Variants in RGS7 observed in about 807,000 individuals in gnomAD.
RGS7 encodes the protein regulator of G protein signaling 7.
Under a neutral mutation model 81.1 loss-of-function variants are expected in RGS7, and 27 were observed. The observed-to-expected ratio is 0.33, with a 90% CI of 0.25 to 0.46. The LOEUF is 0.46. Among genes scored for constraint, RGS7 ranks in the 20% least tolerant of loss-of-function variants. The pLI, the probability that RGS7 is intolerant of heterozygous loss-of-function variation, is 1.00. For synonymous variants in RGS7, 208 were observed against 207.7 expected (o/e 1.00, Z -0.01); for missense variants, 396 against 607.4 (o/e 0.65, Z 3.66).
chr1:241,248,637 C>A (rs1301384445), intron 2 of RGS7, among the ~76,000 whole-genome samples: 1 of 151,966 alleles, frequency 6.6e-6, no homozygotes, highest in Non-Finnish European at 1.5e-5. Flanking sequence ...ATCTCCTCCA[C>A]TGCATTTTAA....
At chr1:240,993,619 T>C (rs552001782) in intron 3 of RGS7, among the ~76,000 whole-genome samples, 3 of 152,280 alleles carry the variant, frequency 2.0e-5, no homozygotes, top group Non-Finnish European at 4.4e-5. Flanking sequence ...CTCTTGGATA[T>C]GTGGTTTACA....
At chr1:241,194,981 A>G (rs2072958693) in intron 2 of RGS7, among the ~76,000 whole-genome samples, 1 of 152,200 alleles carries the variant, frequency 6.6e-6, no homozygotes, top group Non-Finnish European at 1.5e-5. Flanking sequence ...CAGAAAATAG[A>G]ACAAGCCTTA....
At chr1:240,794,542 C>A (rs1686660850) in intron 18 of RGS7, among the ~76,000 whole-genome samples, 1 of 152,126 alleles carries the variant, frequency 6.6e-6, no homozygotes, top group Non-Finnish European at 1.5e-5. Flanking sequence ...GTCCTAGGAC[C>A]CTTTCCAAAA....
rs1169581573 is a variant in RGS7, at chr1:240,956,169, C to T, written c.227-19463G>A. ...TTGTCTTCATTTCACTTGATGCACA[C>T]ACTCTCTACCTTTGGCTCCCTGATG... On this transcript the variant is annotated intron_variant, in intron 4 of 18. Transcript: ENST00000440928. Among the ~76,000 whole-genome samples the T allele has an allele frequency of 5.3e-5, 8 of 152,282 alleles. No individual in the cohort carries two copies. In the East Asian group the frequency reaches 9.6e-4, roughly 18 times the overall value.
chr1:241,069,317 T>C (rs1018155082), intron 3 of RGS7, among the ~76,000 whole-genome samples: 2 of 152,196 alleles, frequency 1.3e-5, no homozygotes, highest in African/African-American at 4.8e-5. Flanking sequence ...TCTCCAGAGA[T>C]ACAATGCTGA....
chr1:241,162,727 G>A (rs2069832754), intron 2 of RGS7, among the ~76,000 whole-genome samples: 1 of 152,116 alleles, frequency 6.6e-6, no homozygotes. Flanking sequence ...ACCCATACAG[G>A]TTCTCCACTG....
At chr1:240,999,861 T>C (rs988429585) in intron 3 of RGS7, among the ~76,000 whole-genome samples, 3 of 152,100 alleles carry the variant, frequency 2.0e-5, no homozygotes, top group Non-Finnish European at 4.4e-5. Flanking sequence ...CCTCGGCCTA[T>C]CAAAGTGCTG....
chr1:241,229,136 T>C (rs1250060064), intron 2 of RGS7, among the ~76,000 whole-genome samples: 4 of 151,904 alleles, frequency 2.6e-5, no homozygotes, highest in Non-Finnish European at 4.4e-5. Context: ...ATGCAATGCC[T>C]GGTACTTTAA....
At chr1:241,235,634 TTTC>T (rs1263717520) in intron 2 of RGS7, among the ~76,000 whole-genome samples, 7 of 82,562 alleles carry the variant, frequency 8.5e-5, no homozygotes, top group Middle Eastern at 5.8e-3. Flanking sequence ...TTCTCTCTTT[TTTC>T]TTTTTTCTCA....
rs138485708 is a variant in RGS7, at chr1:240,960,751, A to G, written c.226+22328T>C. Among the ~76,000 whole-genome samples the G allele has an allele frequency of 1.6e-4, 25 of 152,246 alleles. 1 individual carries two copies. The Middle Eastern group carries it at 0.014, about 83-fold the overall frequency. On this transcript the variant is annotated intron_variant, in intron 4 of 18. Transcript: ENST00000440928. The stretch of plus-strand genomic sequence containing the variant: ...ATGTTGCATTTCCTCACAGCTGAAA[A>G]TACTTTTAAAAGAAAGTAACTATAA...
chr1:241,007,362 G>T (rs2058730049), intron 3 of RGS7, among the ~76,000 whole-genome samples: 1 of 152,074 alleles, frequency 6.6e-6, no homozygotes, highest in Non-Finnish European at 1.5e-5. Flanking sequence ...TAATAATAGG[G>T]CATAATATAT....
At chr1:241,158,090 A>G (rs181937224) in intron 2 of RGS7, among the ~76,000 whole-genome samples, 121 of 152,172 alleles carry the variant, frequency 8.0e-4, no homozygotes, top group African/African-American at 2.8e-3. Context: ...AAGTGCTGGA[A>G]TTACAGGTGT....
intron 10 of RGS7, chr1:240,823,083 T>C: frequency 6.0e-6 from 5 of 832,192 alleles, no homozygotes; most frequent in Admixed American, 5.5e-5. Flanking sequence ...CTGGAATTGC[T>C]GAAATAAGTG....
chr1:241,238,849 A>G (rs138242614), intron 2 of RGS7, among the ~76,000 whole-genome samples: 116 of 152,288 alleles, frequency 7.6e-4, no homozygotes, highest in African/African-American at 2.6e-3. Context: ...GAAAGATAAT[A>G]TGGTAATATG....
intron 9 of RGS7, among the ~76,000 whole-genome samples, chr1:240,835,161 A>C (rs1694513241): frequency 6.6e-6 from 1 of 152,182 alleles, no homozygotes; most frequent in South Asian, 2.1e-4. Flanking sequence ...CTGTCAAGAG[A>C]ATGAGAAGAC....
chr1:241,108,833 T>C (rs1453532610), intron 2 of RGS7, among the ~76,000 whole-genome samples: 4 of 152,220 alleles, frequency 2.6e-5, no homozygotes, highest in African/African-American at 9.6e-5. Context: ...TAATGAATTC[T>C]GTCAGAATCC....
At chr1:240,824,655 A>G (rs1692473019) in intron 10 of RGS7, among the ~76,000 whole-genome samples, 1 of 152,222 alleles carries the variant, frequency 6.6e-6, no homozygotes, top group Non-Finnish European at 1.5e-5. Context: ...ACAAGCACGA[A>G]TCACGTACAC....
intron 3 of RGS7, among the ~76,000 whole-genome samples, chr1:241,087,715 G>C (rs1056418372): frequency 1.3e-5 from 2 of 152,224 alleles, no homozygotes; most frequent in East Asian, 3.9e-4. Context: ...TTGGGAGGCC[G>C]AGGTGGGCAG....
intron 2 of RGS7, among the ~76,000 whole-genome samples, chr1:241,286,080 T>G (rs998526855): frequency 1.3e-5 from 2 of 152,230 alleles, no homozygotes; most frequent in African/African-American, 4.8e-5. Context: ...TGCTGCATTA[T>G]CTACAAGGTA....
Sources: allele counts gnomAD v4.1 joint callset (sites outside exome capture counted in the v4.1 genomes callset), GRCh38; gene constraint gnomAD v4.1.1; transcripts MANE v1.5; gene names NCBI Gene and HGNC (gene_info 2026-07-23, HGNC 2026-07-21).